MAP3K3: variants seen among roughly 807,000 people sequenced by gnomAD.
MAP3K3 encodes MAP/ERK kinase kinase 3.
A neutral mutation model predicts 80.9 loss-of-function variants in MAP3K3; 12 were observed. That is an observed-to-expected ratio of 0.15 (90% CI 0.10 to 0.24). The LOEUF (loss-of-function observed/expected upper bound fraction) is 0.24. MAP3K3 is among the 10% of genes least tolerant of loss of function. The probability of loss-of-function intolerance (pLI) is 1.00; values close to 1 mark genes in which losing one functional copy is unlikely to be tolerated. For synonymous variants in MAP3K3, 272 were observed against 307.1 expected, an observed-to-expected ratio of 0.89 and a Z score of 1.19; for missense variants, 596 against 834.7, an observed-to-expected ratio of 0.71 and a Z score of 3.52.
chr17:63,679,832 A>G (rs2035294533), intron 6 of MAP3K3, among the ~76,000 whole-genome samples: 1 of 152,210 alleles, frequency 6.6e-6, no homozygotes, highest in Non-Finnish European at 1.5e-5. Flanking sequence ...ATGTATACAC[A>G]CACACATACA....
chr17:63,658,737 T>TTC (rs1465009698), intron 5 of MAP3K3, among the ~76,000 whole-genome samples: 10 of 87,626 alleles, frequency 1.1e-4, no homozygotes, highest in African/African-American at 4.0e-4. Context: ...TTCTTTTCTT[T>TTC]TTTTTTTTTT....
At position 63,691,007 on chromosome 17, in the gene MAP3K3, C is replaced by G; in HGVS notation, c.1213-95C>G. On this transcript the variant is annotated intron_variant, in intron 12 of 15. Coordinates refer to ENST00000361733, the MANE Select transcript of MAP3K3 (RefSeq NM_002401.5). The surrounding 1 kb of genome is among the most constrained non-coding windows in gnomAD (Gnocchi z 4.8). ...TCCAACTGCAGTTCCCAAGGCAGAT[C>G]CCTGTGAGGCCACTAACTAGGGCAA... The G allele has an allele frequency of 6.8e-7, 1 of 1,471,604 alleles. No homozygotes were observed. Among genetic ancestry groups the G allele is most frequent in the South Asian group, 1.2e-5 (1 of 84,336 alleles). The allele number at this position is 1,471,604 out of a possible 1,614,324, so 91.2% of individuals were successfully genotyped here. A position where few individuals can be genotyped will look rare whatever the true frequency, so the allele number is the denominator to read the frequency against.
chr17:63,676,251 T>TCCCCCCAGA (rs2035217418), intron 6 of MAP3K3, among the ~76,000 whole-genome samples: 1 of 152,098 alleles, frequency 6.6e-6, no homozygotes, highest in Non-Finnish European at 1.5e-5. Context: ...TTGCTATTTT[T>TCCCCCCAGA]CCCCCCAGAC....
intron 5 of MAP3K3, among the ~76,000 whole-genome samples, chr17:63,660,702 C>T (rs561829122): frequency 1.3e-5 from 2 of 152,192 alleles, no homozygotes; most frequent in East Asian, 1.9e-4. Context: ...AAGTGATTCT[C>T]CTGCCTCAGC....
chr17:63,624,260 G>C (rs1484149143), intron 1 of MAP3K3, among the ~76,000 whole-genome samples: 1 of 152,146 alleles, frequency 6.6e-6, no homozygotes, highest in Non-Finnish European at 1.5e-5. Flanking sequence ...TATAGATTTT[G>C]AATAAATCTT....
chr17:63,632,815 C>G lies in MAP3K3; in HGVS notation c.126+13C>G. On this transcript the variant is annotated intron_variant, in intron 2 of 15. Coordinates refer to ENST00000361733, the MANE Select transcript of MAP3K3 (RefSeq NM_002401.5). Reference sequence around the variant, plus strand: ...CTCAAATAGGCAGGTGTGTGTGACCCTGGCAGAGCTAAGTGAGATTTGTTG... The same window carrying G: ...CTCAAATAGGCAGGTGTGTGTGACCGTGGCAGAGCTAAGTGAGATTTGTTG... 1 of 1,613,640 alleles carries G rather than the reference C, an allele frequency of 6.2e-7. No individual in the cohort carries two copies. The highest frequency in any genetic ancestry group is 8.5e-7 in the Non-Finnish European group (1 of 1,179,818).
chr17:63,632,449 G>A lies in MAP3K3; in HGVS notation c.5-232G>A, dbSNP rs564581705. Among the ~76,000 whole-genome samples, 10 of 152,200 alleles carry A rather than the reference G, an allele frequency of 6.6e-5. No homozygotes were observed. The South Asian group carries it at 8.3e-4, about 13-fold the overall frequency. On this transcript the variant is annotated intron_variant, in intron 1 of 15. Transcript: ENST00000361733. Reference sequence around the variant, plus strand: ...GGAGGCTGCAGTGAGCTATGATCACGCCACTGCACTCCAGCCTGAGTGACA... The same window carrying A: ...GGAGGCTGCAGTGAGCTATGATCACACCACTGCACTCCAGCCTGAGTGACA...
At chr17:63,626,125 A>C (rs957789613) in intron 1 of MAP3K3, among the ~76,000 whole-genome samples, 1 of 152,184 alleles carries the variant, frequency 6.6e-6, no homozygotes, top group Non-Finnish European at 1.5e-5. Context: ...ATCTGTAAAA[A>C]GTAAGTATCT....
chr17:63,634,606 C>T, intron 2 of MAP3K3: 2 of 941,020 alleles, frequency 2.1e-6, no homozygotes, highest in Non-Finnish European at 3.3e-6. Context: ...GTAATCTTAA[C>T]AAGAGGTACT....
At chr17:63,671,522 G>GGGATTACA (rs1408065401) in intron 6 of MAP3K3, among the ~76,000 whole-genome samples, 1 of 152,040 alleles carries the variant, frequency 6.6e-6, no homozygotes, top group African/African-American at 2.4e-5. Context: ...CCAAAGTGCT[G>GGGATTACA]GGATTACAGG....
At chr17:63,645,453 A>G (rs190646952) in intron 2 of MAP3K3, among the ~76,000 whole-genome samples, 6 of 152,360 alleles carry the variant, frequency 3.9e-5, no homozygotes, top group Admixed American at 2.0e-4. Context: ...TGGGAAATCA[A>G]TGATAGTGGT....
chr17:63,694,006 C>T lies in MAP3K3; in HGVS notation c.*229C>T, dbSNP rs2035644485. 2.0e-6 allele frequency: 1 copy of T among 510,890 alleles called. No individual in the cohort carries two copies. Among genetic ancestry groups the T allele is most frequent in the East Asian group, 3.5e-5 (1 of 28,452 alleles). 31.6% of individuals were successfully genotyped at this position (510,890 alleles called of 1,614,324 possible). A position where few individuals can be genotyped will look rare whatever the true frequency, so the allele number is the denominator to read the frequency against. ...CTGTCAGATCCAGGAGCTCCAGTGT[C>T]CTGAGCTCAGCGTGGAGGGGTAGGG... On this transcript the variant is annotated 3_prime_UTR_variant, in exon 16 of 16. Coordinates refer to ENST00000361733, the MANE Select transcript of MAP3K3 (RefSeq NM_002401.5).
At chr17:63,688,707 T>G in intron 9 of MAP3K3, 82 bp from the exon 10 acceptor site, 2 of 1,407,046 alleles carry the variant, frequency 1.4e-6, no homozygotes. Flanking sequence ...TGCTTTGAGG[T>G]CTCAGGTGCC....
chr17:63,694,071 C>G lies in MAP3K3; in HGVS notation c.*294C>G, dbSNP rs1253510496. The G allele has an allele frequency of 2.9e-6, 1 of 347,210 alleles. No homozygotes were observed. Among genetic ancestry groups the G allele is most frequent in the Non-Finnish European group, 5.2e-6 (1 of 190,536 alleles). The allele number at this position is 347,210 out of a possible 1,614,324, so 21.5% of individuals were successfully genotyped here. The stretch of plus-strand genomic sequence containing the variant: ...GCAAGGCAGCCGTGGGCCCCACCCT[C>G]GGGGATGTGTCCTGACACTGCAATT... On this transcript the variant is annotated 3_prime_UTR_variant, in exon 16 of 16. Transcript: ENST00000361733.
At chr17:63,626,783 A>C (rs1035901155) in intron 1 of MAP3K3, among the ~76,000 whole-genome samples, 13 of 152,244 alleles carry the variant, frequency 8.5e-5, no homozygotes, top group Admixed American at 8.5e-4. Context: ...GACTCTCCTG[A>C]GTGGGCAGTG....
Position 63,652,642 on chromosome 17 carries a change from T to A in MAP3K3, c.253T>A (p.Tyr85Asn), listed in dbSNP as rs756320615. ...ATTTGGACAACCTCTTGATCTACAT[T>A]ACATGAACAATGAGGTGAGAAGGCA... Reference protein sequence around the residue: ...TVFGQPLDLHYMNNELSILLK... With the variant: ...TVFGQPLDLHNMNNELSILLK... The change falls in exon 4 of 16, where the codon TAC becomes AAC. Residue 85 changes from tyrosine (Y) to asparagine (N), a missense_variant. Tyr to Asn is a moderately radical substitution (Grantham distance 143). This residue lies in a region of MAP3K3 where 232 missense variants were observed against 245.8 expected (regional missense o/e 0.94). Coordinates refer to ENST00000361733, the MANE Select transcript of MAP3K3 (RefSeq NM_002401.5). 6.2e-6 allele frequency: 10 copies of A among 1,612,132 alleles called. No homozygotes were observed. Among genetic ancestry groups the A allele is most frequent in the Non-Finnish European group, 8.5e-6 (10 of 1,178,150 alleles).
chr17:63,634,859 C>A, intron 2 of MAP3K3: 1 of 1,388,742 alleles, frequency 7.2e-7, no homozygotes, highest in Non-Finnish European at 1.0e-6. Context: ...GCTACTCATG[C>A]TGCAACAGCA....
intron 7 of MAP3K3, among the ~76,000 whole-genome samples, chr17:63,685,111 G>T (rs973868541): frequency 6.6e-6 from 1 of 152,172 alleles, no homozygotes; most frequent in Non-Finnish European, 1.5e-5. Flanking sequence ...GTGAAATGAG[G>T]CAATCCTTGT....
intron 1 of MAP3K3, among the ~76,000 whole-genome samples, chr17:63,623,305 C>T (rs776134734): frequency 1.3e-5 from 2 of 152,220 alleles, no homozygotes; most frequent in African/African-American, 2.4e-5. Flanking sequence ...GTGCGGGGCT[C>T]GGCTAGGAGG....
Sources: gnomAD v4.1 joint callset for allele counts (sites outside exome capture counted in the v4.1 genomes callset) on GRCh38, gnomAD v4.1.1 for gene constraint, gnomAD v4.1.1 regional missense constraint, Gnocchi (gnomAD v3.1) non-coding constraint, MANE v1.5 for transcripts, NCBI Gene and HGNC (gene_info 2026-07-23, HGNC 2026-07-21) for gene names.